Variants in ULK4 observed in about 807,000 individuals in gnomAD.
The protein encoded by ULK4 is inactive serine/threonine-protein kinase ULK4.
In ULK4, 133 loss-of-function variants were observed where a neutral mutation model predicts 160.6. That is an observed-to-expected ratio of 0.83 (90% CI 0.72 to 0.96). The LOEUF (loss-of-function observed/expected upper bound fraction) is 0.96. ULK4 is among the 40% of genes least tolerant of loss of function. ULK4 has a pLI of 0.00. For synonymous variants in ULK4, 534 were observed against 539.8 expected (o/e 0.99, Z 0.15); for missense variants, 1,580 against 1,499.5 (o/e 1.05, Z -0.89).
intron 35 of ULK4, among the ~76,000 whole-genome samples, chr3:41,282,301 T>C (rs1371309471): frequency 6.6e-6 from 1 of 152,156 alleles, no homozygotes; most frequent in Non-Finnish European, 1.5e-5. Context: ...AAAAACTACT[T>C]TAAAGTTTAT....
chr3:41,477,641 T>C (rs774292287), intron 32 of ULK4, among the ~76,000 whole-genome samples: 1 of 152,206 alleles, frequency 6.6e-6, no homozygotes, highest in Non-Finnish European at 1.5e-5. Flanking sequence ...TTAAATCAGT[T>C]AAGTTAAAAA....
intron 32 of ULK4, among the ~76,000 whole-genome samples, chr3:41,494,925 A>T (rs1157581175): frequency 4.2e-4 from 63 of 151,706 alleles, no homozygotes; most frequent in African/African-American, 1.3e-3. Flanking sequence ...TCAATGAAAT[A>T]AAAGAGGATA....
chr3:41,824,170 A>ATT (rs1246306608), intron 18 of ULK4, among the ~76,000 whole-genome samples: 3 of 151,476 alleles, frequency 2.0e-5, no homozygotes, highest in Non-Finnish European at 4.4e-5. Context: ...CTTTAAAAAA[A>ATT]AAAAAAAAAA....
At chr3:41,303,584 A>G (rs1177236728) in intron 35 of ULK4, among the ~76,000 whole-genome samples, 1 of 152,202 alleles carries the variant, frequency 6.6e-6, no homozygotes, top group Non-Finnish European at 1.5e-5. Flanking sequence ...CACAAATGGA[A>G]GTGAGTTTCT....
chr3:41,793,584 C>G (rs574914379), intron 20 of ULK4, among the ~76,000 whole-genome samples: 2 of 152,082 alleles, frequency 1.3e-5, no homozygotes, highest in African/African-American at 4.8e-5. Context: ...GTTAATGTTG[C>G]TTGAAAAGCT....
intron 5 of ULK4, among the ~76,000 whole-genome samples, chr3:41,929,176 G>C (rs1210804335): frequency 6.6e-6 from 1 of 152,106 alleles, no homozygotes; most frequent in Non-Finnish European, 1.5e-5. Flanking sequence ...GGGATGCAAG[G>C]CTGGTTCAAC....
At chr3:41,370,421 G>C (rs553296368) in intron 35 of ULK4, among the ~76,000 whole-genome samples, 6 of 152,234 alleles carry the variant, frequency 3.9e-5, no homozygotes, top group African/African-American at 1.4e-4. Flanking sequence ...CCAGAAGGTG[G>C]GTGATTTCTA....
At chr3:41,626,590 A>G (rs1044148452) in intron 30 of ULK4, among the ~76,000 whole-genome samples, 6 of 151,050 alleles carry the variant, frequency 4.0e-5, no homozygotes, top group Middle Eastern at 3.4e-3. Context: ...CAGTGGTGCA[A>G]TCTCAGCTCA....
intron 30 of ULK4, among the ~76,000 whole-genome samples, chr3:41,626,805 C>T (rs1401628734): frequency 2.6e-5 from 4 of 152,062 alleles, no homozygotes; most frequent in Non-Finnish European, 5.9e-5. Flanking sequence ...GGATTATAAG[C>T]GTGAGCCACC....
rs188655176 is a variant in ULK4 at position 41,341,365 on chromosome 3, G to A, written c.3678+56714C>T. Among the ~76,000 whole-genome samples, 354 of 152,160 alleles carry A rather than the reference G, an allele frequency of 2.3e-3. 4 individuals carry two copies. The highest frequency in any genetic ancestry group is 8.1e-3 in the African/African-American group (335 of 41,490). On this transcript the variant is annotated intron_variant, in intron 35 of 36. Transcript: ENST00000301831. Reference sequence around the variant, plus strand: ...TTGACCATGTGACTTTTTACTTCAGGGTGGATAAAGATACTTCCTACCTCC... The same window carrying A: ...TTGACCATGTGACTTTTTACTTCAGAGTGGATAAAGATACTTCCTACCTCC...
At chr3:41,871,329 T>C (rs977807268) in intron 17 of ULK4, among the ~76,000 whole-genome samples, 2 of 152,198 alleles carry the variant, frequency 1.3e-5, no homozygotes, top group African/African-American at 4.8e-5. Context: ...GAACATAAGA[T>C]TTCATACTTC....
chr3:41,491,318 A>G (rs1455186433), intron 32 of ULK4, among the ~76,000 whole-genome samples: 1 of 124,342 alleles, frequency 8.0e-6, no homozygotes, highest in Non-Finnish European at 1.8e-5. Context: ...TTTGGAAAAA[A>G]TAAAAAATAA....
At chr3:41,670,573 A>ATATATG (rs939219000) in intron 29 of ULK4, among the ~76,000 whole-genome samples, 12 of 152,156 alleles carry the variant, frequency 7.9e-5, no homozygotes, top group African/African-American at 2.9e-4. Context: ...ATACGTATGT[A>ATATATG]TATATGTATA....
intron 32 of ULK4, among the ~76,000 whole-genome samples, chr3:41,536,607 C>A (rs1479778903): frequency 1.3e-5 from 2 of 152,056 alleles, no homozygotes; most frequent in Non-Finnish European, 1.5e-5. Flanking sequence ...ATTCTTATAA[C>A]AAAGTAAGCT....
chr3:41,796,502 G>T (rs143713263), intron 20 of ULK4, among the ~76,000 whole-genome samples: 6 of 152,228 alleles, frequency 3.9e-5, no homozygotes, highest in Non-Finnish European at 8.8e-5. Context: ...TGAGTCAGGA[G>T]AATCACTTGA....
intron 31 of ULK4, among the ~76,000 whole-genome samples, chr3:41,599,150 G>A (rs552384189): frequency 3.9e-5 from 6 of 152,282 alleles, no homozygotes; most frequent in African/African-American, 1.4e-4. Flanking sequence ...GCATTGGGCC[G>A]TGGGATGAGG....
intron 35 of ULK4, among the ~76,000 whole-genome samples, chr3:41,340,652 T>C (rs576684793): frequency 2.6e-5 from 4 of 152,238 alleles, no homozygotes; most frequent in Non-Finnish European, 5.9e-5. Context: ...TCAATAGCCA[T>C]TTATGGCCAG....
intron 17 of ULK4, among the ~76,000 whole-genome samples, chr3:41,857,460 G>A (rs1279662746): frequency 6.6e-6 from 1 of 152,120 alleles, no homozygotes; most frequent in Non-Finnish European, 1.5e-5. Flanking sequence ...GCCTTGTAGA[G>A]TAATTCTGGA....
intron 32 of ULK4, among the ~76,000 whole-genome samples, chr3:41,520,581 G>A (rs1181409146): frequency 2.0e-5 from 3 of 152,112 alleles, no homozygotes; most frequent in Non-Finnish European, 4.4e-5. Context: ...AATATTATAA[G>A]AGAATTGCTC....
Sources: allele counts gnomAD v4.1 joint callset (sites outside exome capture counted in the v4.1 genomes callset), GRCh38; gene constraint gnomAD v4.1.1; transcripts MANE v1.5; gene names NCBI Gene and HGNC (gene_info 2026-07-23, HGNC 2026-07-21).